KDM4A: variants seen among roughly 807,000 people sequenced by gnomAD.
KDM4A encodes lysine-specific demethylase 4A.
In KDM4A, 23 loss-of-function variants were observed where a neutral mutation model predicts 127.1. The ratio of observed to expected loss-of-function variants is 0.18; its 90% CI spans 0.13 to 0.26. The LOEUF (loss-of-function observed/expected upper bound fraction) is 0.26. Among genes scored for constraint, KDM4A ranks in the 10% least tolerant of loss-of-function variants. The pLI, the probability that KDM4A is intolerant of heterozygous loss-of-function variation, is 1.00. For synonymous variants in KDM4A, 443 were observed against 466.5 expected (o/e 0.95, Z 0.65); for missense variants, 890 against 1,329.1 (o/e 0.67, Z 5.14).
chr1:43,660,368 C>A lies in KDM4A; in HGVS notation c.385C>A (p.Pro129Thr). 1 of 1,612,408 alleles carries A rather than the reference C, an allele frequency of 6.2e-7. No homozygotes were observed. Among genetic ancestry groups the A allele is most frequent in the South Asian group, 1.1e-5 (1 of 90,890 alleles). Residue 129 changes from proline (P) to threonine (T), a missense_variant, in exon 4 of 22, where the codon CCT (proline) becomes ACT (threonine). Around this residue, in one of 7 missense-constraint regions of KDM4A, gnomAD observed 141 missense variants for 273.5 expected, o/e 0.52. Coordinates refer to ENST00000372396, the MANE Select transcript of KDM4A (RefSeq NM_014663.3). ...ATACTGGAAAAATCTTACATTCAAT[C>A]CTCCAATCTATGGTGCAGATGTGAA... ...RKYWKNLTFNPPIYGADVNGT... is the reference protein window; with the variant it reads ...RKYWKNLTFNTPIYGADVNGT...
chr1:43,653,131 C>T lies in KDM4A; in HGVS notation c.-39-6C>T, dbSNP rs1390768588. 6.5e-7 allele frequency: 1 copy of T among 1,533,504 alleles called. No individual in the cohort carries two copies. The highest frequency in any genetic ancestry group is 1.2e-5 in the South Asian group (1 of 81,976). The allele number at this position is 1,533,504 out of a possible 1,614,324, so 95.0% of individuals were successfully genotyped here. On this transcript the variant is annotated splice_polypyrimidine_tract_variant and splice_region_variant and intron_variant, in intron 1 of 21. Transcript: ENST00000372396. ...ATTATTTTATACTCTTAATGTGTTT[C>T]TTCAGATTCCTGTCTGACTAAAGGG...
intron 4 of KDM4A, among the ~76,000 whole-genome samples, chr1:43,662,129 C>G (rs577131188): frequency 6.6e-6 from 1 of 152,180 alleles, no homozygotes; most frequent in East Asian, 1.9e-4. Context: ...TCTTGAACTC[C>G]TGGGCTCAAG....
intron 4 of KDM4A, among the ~76,000 whole-genome samples, chr1:43,660,860 G>A (rs537001505): frequency 6.6e-6 from 1 of 152,180 alleles, no homozygotes; most frequent in East Asian, 1.9e-4. Flanking sequence ...CACTTTTATT[G>A]GCTTGAAATC....
intron 19 of KDM4A, 141 bp downstream of exon 19, chr1:43,698,154 T>C (rs777559448): frequency 6.9e-5 from 52 of 751,878 alleles, no homozygotes; most frequent in Non-Finnish European, 8.9e-5. Context: ...GAAAGAATCA[T>C]CTGTACCAGT....
At chr1:43,687,246 G>C (rs1661007220) in intron 12 of KDM4A, among the ~76,000 whole-genome samples, 1 of 152,228 alleles carries the variant, frequency 6.6e-6, no homozygotes, top group Non-Finnish European at 1.5e-5. Context: ...GATGCCTTCA[G>C]ATTAAACATG....
At chr1:43,678,587 GTTTTTT>G (rs35182358) in intron 11 of KDM4A, among the ~76,000 whole-genome samples, 6 of 134,496 alleles carry the variant, frequency 4.5e-5, no homozygotes, top group Non-Finnish European at 9.6e-5. Context: ...CTGCAGATAG[GTTTTTT>G]TTTTTTTTTT....
intron 18 of KDM4A, among the ~76,000 whole-genome samples, chr1:43,696,661 A>G (rs1301257944): frequency 6.6e-6 from 1 of 152,222 alleles, no homozygotes; most frequent in Non-Finnish European, 1.5e-5. Context: ...TAATGCAAGT[A>G]AAAACTTGAG....
chr1:43,704,366 A>T lies in KDM4A; in HGVS notation c.3191A>T (p.Glu1064Val). 6.2e-7 allele frequency: 1 copy of T among 1,613,222 alleles called. No homozygotes were observed. Among genetic ancestry groups the T allele is most frequent in the Non-Finnish European group, 8.5e-7 (1 of 1,179,780 alleles). ...CCTGCACTATACCGGGCCATCATGG[A>T]GTAGGTGCTTCCAGGGTCCAAGGGA... ...IEPALYRAIME is the reference protein window; with the variant it reads ...IEPALYRAIMV The change falls in exon 22 of 22, where the codon GAG becomes GTG. Residue 1064 changes from glutamate to valine, a missense_variant. By Grantham distance (121) the Glu-to-Val change is moderately radical. Transcript: ENST00000372396.
At chr1:43,673,412 C>T (rs773795223) in intron 11 of KDM4A, among the ~76,000 whole-genome samples, 4 of 152,144 alleles carry the variant, frequency 2.6e-5, no homozygotes, top group Non-Finnish European at 5.9e-5. Context: ...TAACATTTGG[C>T]ACATTTGCTT....
At chr1:43,668,292 A>C (rs956887665) in intron 9 of KDM4A, among the ~76,000 whole-genome samples, 12 of 151,906 alleles carry the variant, frequency 7.9e-5, no homozygotes, top group Admixed American at 7.9e-4. Flanking sequence ...CGCCTGGCTA[A>C]TTTTTTGTAT....
chr1:43,699,727 T>TG (rs985027034), intron 19 of KDM4A: 1 of 151,428 alleles, frequency 6.6e-6, no homozygotes, highest in Non-Finnish European at 1.5e-5. Flanking sequence ...TAATGTCTTT[T>TG]TTTTTTTTTT....
rs1661028402 is a variant in KDM4A at position 43,688,075 on chromosome 1, G to A, written c.1856-839G>A. On this transcript the variant is annotated intron_variant, in intron 12 of 21. Coordinates refer to ENST00000372396, the MANE Select transcript of KDM4A (RefSeq NM_014663.3). The surrounding 1 kb of genome is among the most constrained non-coding windows in gnomAD (Gnocchi z 4.4). ...TGTAAAAACAAAGCTGGGTGCAGTG[G>A]CTCATGCCTGTAGTCCAAGCTACTT... is the stretch of plus-strand genomic sequence containing the variant. Among the ~76,000 whole-genome samples the A allele has an allele frequency of 6.6e-6, 1 of 152,018 alleles. No individual in the cohort carries two copies. Among genetic ancestry groups the A allele is most frequent in the African/African-American group, 2.4e-5 (1 of 41,364 alleles).
intron 19 of KDM4A, among the ~76,000 whole-genome samples, chr1:43,698,786 A>AT (rs1026696563): frequency 3.5e-4 from 53 of 152,260 alleles, no homozygotes; most frequent in African/African-American, 1.3e-3. Flanking sequence ...CATAGCTATC[A>AT]TTTATTTATA....
Position 43,688,907 on chromosome 1 carries a change from C to T in KDM4A, c.1856-7C>T, listed in dbSNP as rs746986376. ...GTGCTGACTCACACTTCTGTTTCCT[C>T]CTCTAGAGACATCTGAACAGCTGAC... On this transcript the variant is annotated splice_polypyrimidine_tract_variant and splice_region_variant and intron_variant, in intron 12 of 21. Transcript: ENST00000372396. This position sits in a 1 kb window ranked among gnomAD's most constrained non-coding sequence, Gnocchi z 4.4. The T allele has an allele frequency of 9.9e-6, 16 of 1,613,518 alleles. No homozygotes were observed. In the Middle Eastern group the frequency reaches 5.0e-4, roughly 50 times the overall value.
chr1:43,690,920 T>C lies in KDM4A; in HGVS notation c.2113T>C (p.Leu705=), dbSNP rs1192983028. 11 of 1,614,080 alleles carry C rather than the reference T, an allele frequency of 6.8e-6. No individual in the cohort carries two copies. The highest frequency in any genetic ancestry group is 5.3e-5 in the African/African-American group (4 of 74,930). ...LAPQKQRTKP[L]IPEMCFTSTG... ...CCCCCAGAAGCAGAGGACCAAGCCA[T>C]TGATTCCAGAAATGTGCTTCACTTC... Residue 705 remains leucine, a synonymous_variant, in exon 14 of 22, where the codon TTG becomes CTG. Coordinates refer to ENST00000372396, the MANE Select transcript of KDM4A (RefSeq NM_014663.3).
chr1:43,688,978 G>C lies in KDM4A; in HGVS notation c.1920G>C (p.Leu640=), dbSNP rs762392198. The change falls in exon 13 of 22, where the codon CTG becomes CTC. Residue 640 remains leucine (L), a synonymous_variant. Coordinates refer to ENST00000372396, the MANE Select transcript of KDM4A (RefSeq NM_014663.3). This position sits in a 1 kb window ranked among gnomAD's most constrained non-coding sequence, Gnocchi z 4.4. ...AEETEAWAKP[L]SQLWQNRPPN... ...AGACAGAGGCCTGGGCCAAGCCTCTGAGCCAACTGTGGCAGAACCGACCTC... is the reference window on the plus strand; with the variant it reads ...AGACAGAGGCCTGGGCCAAGCCTCTCAGCCAACTGTGGCAGAACCGACCTC... 7 of 1,614,218 alleles carry C rather than the reference G, an allele frequency of 4.3e-6. No homozygotes were observed. Among genetic ancestry groups the C allele is most frequent in the African/African-American group, 2.7e-5 (2 of 75,064 alleles).
At chr1:43,681,612 C>A (rs1375343815) in intron 11 of KDM4A, among the ~76,000 whole-genome samples, 2 of 152,206 alleles carry the variant, frequency 1.3e-5, no homozygotes, top group African/African-American at 2.4e-5. Context: ...GGCTAGAAAT[C>A]CCCACCGTTT....
At chr1:43,653,086 C>A in intron 1 of KDM4A, 51 bp from the exon 2 acceptor site, 1 of 928,200 alleles carries the variant, frequency 1.1e-6, no homozygotes, top group Non-Finnish European at 1.5e-6. Context: ...ATGTTTCCAG[C>A]ACTTAATTTT....
At chr1:43,691,338 T>A (rs1219966633) in intron 14 of KDM4A, among the ~76,000 whole-genome samples, 158 bp from the exon 15 acceptor site, 2 of 152,222 alleles carry the variant, frequency 1.3e-5, no homozygotes. Context: ...TGAGCCATAC[T>A]GTATGCCTGA....
Sources: allele counts gnomAD v4.1 joint callset (sites outside exome capture counted in the v4.1 genomes callset), GRCh38; gene constraint gnomAD v4.1.1; regional missense constraint gnomAD v4.1.1; non-coding constraint Gnocchi (gnomAD v3.1); transcripts MANE v1.5; gene names NCBI Gene and HGNC (gene_info 2026-07-23, HGNC 2026-07-21).